The following CIRBP variants were observed in gnomAD, a reference collection of about 807,000 sequenced individuals.
The protein encoded by CIRBP is cold-inducible RNA-binding protein.
CIRBP carries 11 observed loss-of-function variants against 22.3 expected under a neutral mutation model. The ratio of observed to expected loss-of-function variants is 0.49; its 90% confidence interval spans 0.31 to 0.82. The LOEUF (loss-of-function observed/expected upper bound fraction) is 0.82, where lower values mean the gene tolerates loss of function less well. Ranked by LOEUF, CIRBP falls within the 40% of genes least tolerant of loss-of-function variation. CIRBP has a pLI of 0.05. For missense variants in CIRBP, 456 were observed against 402.7 expected (o/e 1.13, Z -1.13); for synonymous variants, 216 against 158.8 (o/e 1.36, Z -2.71).
rs990535383 is a variant in CIRBP, at chr19:1,274,108, C to T, written c.*1665C>T. On this transcript the variant is annotated 3_prime_UTR_variant, in exon 6 of 6. Transcript: ENST00000587896. ...CCCACACTGGCCCACATAGCTCCAT[C>T]CCATACGGGTAGCTGGCTCCAGCTG... is the stretch of plus-strand genomic sequence containing the variant. 3.5e-4 allele frequency: 135 copies of T among 390,076 alleles called. No homozygotes were observed. The highest frequency in any genetic ancestry group is 9.0e-5 in the Non-Finnish European group (20 of 221,224). 24.2% of individuals were successfully genotyped at this position (390,076 alleles called of 1,614,324 possible).
chr19:1,271,331 T>A lies in CIRBP; in HGVS notation c.213T>A (p.Ser71=). Residue 71 remains serine (S), a splice_region_variant and synonymous_variant, in exon 4 of 6, where the codon TCT becomes TCA. Transcript: ENST00000587896. ...KDAMMAMNGK[S]VDGRQIRVDQ... Reference sequence around the variant, plus strand: ...CCCGTCCCGCCCTCTGTCTCCAGTCTGTAGATGGACGGCAGATCCGAGTAG... The same window carrying A: ...CCCGTCCCGCCCTCTGTCTCCAGTCAGTAGATGGACGGCAGATCCGAGTAG... 6.2e-7 allele frequency: 1 copy of A among 1,614,036 alleles called. No homozygotes were observed. Among genetic ancestry groups the A allele is most frequent in the Non-Finnish European group, 8.5e-7 (1 of 1,180,028 alleles).
rs766307406 is a variant in CIRBP at position 1,272,237 on chromosome 19, C to G, written c.688C>G (p.Gln230Glu). ...GACGCAAAAGCCAAATGAGACTGAC[C>G]AAAAAGGCAAGGGAGAGCGAGGGCC... ...RRTQKPNETD[Q>E]KGKGERGPAG... The change falls in exon 6 of 6, where the codon CAA becomes GAA. Residue 230 changes from glutamine (Q) to glutamate (E), a missense_variant. Gln to Glu is a conservative substitution (Grantham distance 29). This residue lies in a region of CIRBP where 426 missense variants were observed against 339.6 expected (regional missense o/e 1.25). Transcript: ENST00000587896. 1.9e-6 allele frequency: 3 copies of G among 1,601,526 alleles called. No individual in the cohort carries two copies. Among genetic ancestry groups the G allele is most frequent in the Admixed American group, 1.7e-5 (1 of 57,502 alleles).
Position 1,270,969 on chromosome 19 carries a change from G to A in CIRBP, c.36G>A (p.Gly12=). Residue 12 remains glycine (G), a synonymous_variant, in exon 2 of 6, where the codon GGG becomes GGA. Coordinates refer to ENST00000587896, the MANE Select transcript of CIRBP (RefSeq NM_001300829.2). ...ASDEGKLFVG[G]LSFDTNEQSL... ...ATGAAGGCAAACTTTTTGTTGGAGGGCTGAGTTTTGACACCAATGAGCAGT... is the reference window on the plus strand; with the variant it reads ...ATGAAGGCAAACTTTTTGTTGGAGGACTGAGTTTTGACACCAATGAGCAGT... 6.2e-7 allele frequency: 1 copy of A among 1,614,088 alleles called. No homozygotes were observed. The highest frequency in any genetic ancestry group is 8.5e-7 in the Non-Finnish European group (1 of 1,180,018).
At chr19:1,270,111 G>T in intron 1 of CIRBP, 1 of 519,256 alleles carries the variant, frequency 1.9e-6, no homozygotes, top group Non-Finnish European at 3.9e-6. Flanking sequence ...CCCCTGCCTG[G>T]AAATCCTGCC....
rs529472825 is a variant in CIRBP, at chr19:1,272,701, C to T, written c.*258C>T. Reference sequence around the variant, plus strand: ...TTTGAAAAGCATTTACTTTTTTGACCACGAGCCATGAGTTTTCAAAAAAAT... The same window carrying T: ...TTTGAAAAGCATTTACTTTTTTGACTACGAGCCATGAGTTTTCAAAAAAAT... On this transcript the variant is annotated 3_prime_UTR_variant, in exon 6 of 6. Coordinates refer to ENST00000587896, the MANE Select transcript of CIRBP (RefSeq NM_001300829.2). The T allele has an allele frequency of 1.4e-5, 5 of 364,026 alleles. No homozygotes were observed. The highest frequency in any genetic ancestry group is 7.2e-4 in the Middle Eastern group (1 of 1,394). The allele number at this position is 364,026 out of a possible 1,614,324, so 22.5% of individuals were successfully genotyped here.
rs1418450508 is a variant in CIRBP, at chr19:1,272,266, T to A, written c.717T>A (p.Ala239=). The change falls in exon 6 of 6, where the codon GCT becomes GCA. Residue 239 remains alanine, a synonymous_variant. Coordinates refer to ENST00000587896, the MANE Select transcript of CIRBP (RefSeq NM_001300829.2). ...DQKGKGERGP[A]GQSARCMCGR... is the part of the protein sequence containing the mutation. Reference sequence around the variant, plus strand: ...AAGGCAAGGGAGAGCGAGGGCCCGCTGGGCAGTCAGCTAGGTGCATGTGTG... The same window carrying A: ...AAGGCAAGGGAGAGCGAGGGCCCGCAGGGCAGTCAGCTAGGTGCATGTGTG... 5.6e-6 allele frequency: 9 copies of A among 1,611,766 alleles called. No individual in the cohort carries two copies. Among genetic ancestry groups the A allele is most frequent in the Non-Finnish European group, 6.8e-6 (8 of 1,179,326 alleles).
At chr19:1,270,762 G>A (rs1307980485) in intron 1 of CIRBP, 166 bp from the exon 2 acceptor site, 9 of 616,828 alleles carry the variant, frequency 1.5e-5, no homozygotes, top group East Asian at 2.8e-5. Context: ...CACTGCCCCC[G>A]ACCCCAAAAA....
At chr19:1,270,864 T>G (rs2081327808) in intron 1 of CIRBP, 64 bp from the exon 2 acceptor site, 1 of 989,102 alleles carries the variant, frequency 1.0e-6, no homozygotes, top group Non-Finnish European at 1.6e-6. Context: ...TTACATAAAA[T>G]AGGAAGCGGG....
At chr19:1,270,018 G>T in intron 1 of CIRBP, 1 of 519,856 alleles carries the variant, frequency 1.9e-6, no homozygotes, top group South Asian at 1.4e-5. Context: ...CCACTGGGTG[G>T]CGGCCATTCC....
At chr19:1,269,828 G>C (rs1305775467) in intron 1 of CIRBP, 7 of 518,602 alleles carry the variant, frequency 1.3e-5, no homozygotes, top group Non-Finnish European at 2.7e-5. Context: ...TGCTTACCGA[G>C]CCTTAGTTTC....
In CIRBP at chr19:1,270,054, C is replaced by T. The variant is rs932622797; in HGVS notation, c.-7+644C>T. 5.8e-6 allele frequency: 3 copies of T among 519,790 alleles called. No homozygotes were observed. The African/African-American group carries it at 5.8e-5, about 10-fold the overall frequency. The allele number at this position is 519,790 out of a possible 1,614,324, so 32.2% of individuals were successfully genotyped here. A position where few individuals can be genotyped will look rare whatever the true frequency, so the allele number is the denominator to read the frequency against. On this transcript the variant is annotated intron_variant, in intron 1 of 5. Coordinates refer to ENST00000587896, the MANE Select transcript of CIRBP (RefSeq NM_001300829.2). ...CAGCCAGTGAATGCTTTGTCTGTGT[C>T]AGCACTGACCGCCCCCTTAAATAGC...
At position 1,271,173 on chromosome 19, in the gene CIRBP, C is replaced by G; in HGVS notation, c.137C>G (p.Ser46Cys). 1 of 1,614,068 alleles carries G rather than the reference C, an allele frequency of 6.2e-7. No individual in the cohort carries two copies. Among genetic ancestry groups the G allele is most frequent in the Non-Finnish European group, 8.5e-7 (1 of 1,180,022 alleles). ...GTGAAAGACAGGGAGACCCAGAGAT[C>G]TCGGGGATTTGGGTTTGTCACCTTT... The part of the protein sequence containing the change: ...VVVKDRETQR[S>C]RGFGFVTFEN... Residue 46 changes from serine to cysteine, a missense_variant, in exon 3 of 6, where the codon TCT (serine) becomes TGT (cysteine). By Grantham distance (112) the Ser-to-Cys change is moderately radical. Coordinates refer to ENST00000587896, the MANE Select transcript of CIRBP (RefSeq NM_001300829.2).
At position 1,273,035 on chromosome 19, in the gene CIRBP, G is replaced by A. The variant is rs1474529929; in HGVS notation, c.*592G>A. On this transcript the variant is annotated 3_prime_UTR_variant, in exon 6 of 6. Transcript: ENST00000587896. Reference sequence around the variant, plus strand: ...CAGACGTCCCTGAGAGGTTCTTGAAGATGTTTATTTATATTGTCCTTTTTT... The same window carrying A: ...CAGACGTCCCTGAGAGGTTCTTGAAAATGTTTATTTATATTGTCCTTTTTT... 2 of 152,346 alleles carry A rather than the reference G, an allele frequency of 1.3e-5. No homozygotes were observed. The highest frequency in any genetic ancestry group is 6.5e-5 in the Admixed American group (1 of 15,290). The allele number at this position is 152,346 out of a possible 1,614,324, so 9.4% of individuals were successfully genotyped here.
chr19:1,271,621 C>G lies in CIRBP; in HGVS notation c.420C>G (p.Asp140Glu), dbSNP rs1448078281. Residue 140 changes from aspartate (D) to glutamate (E), a missense_variant, in exon 5 of 6, where the codon GAC becomes GAG. Asp to Glu is a conservative substitution (Grantham distance 45). Around this residue, in one of 2 missense-constraint regions of CIRBP, gnomAD observed 426 missense variants for 339.6 expected, o/e 1.25. Transcript: ENST00000587896. ...SRSGGYGGSRDYYSSRSQSGG... is the reference protein window; with the variant it reads ...SRSGGYGGSREYYSSRSQSGG... Reference sequence around the variant, plus strand: ...GTGGGGGCTACGGAGGCTCCAGAGACTACTATAGCAGGTGAGGGGGAGGCC... The same window carrying G: ...GTGGGGGCTACGGAGGCTCCAGAGAGTACTATAGCAGGTGAGGGGGAGGCC... 6 of 1,543,076 alleles carry G rather than the reference C, an allele frequency of 3.9e-6. No individual in the cohort carries two copies. In the African/African-American group the frequency reaches 5.6e-5, roughly 14 times the overall value.
chr19:1,274,481 T>G lies in CIRBP; in HGVS notation c.*2038T>G. 1 of 392,634 alleles carries G rather than the reference T, an allele frequency of 2.5e-6. No homozygotes were observed. The highest frequency in any genetic ancestry group is 4.5e-6 in the Non-Finnish European group (1 of 221,510). 24.3% of individuals were successfully genotyped at this position (392,634 alleles called of 1,614,324 possible). ...AAGAGTGGCATGTGGCGCTGAGCCC[T>G]GTCCCGGGCGGCACCTGGGCGTTTC... On this transcript the variant is annotated 3_prime_UTR_variant, in exon 6 of 6. Coordinates refer to ENST00000587896, the MANE Select transcript of CIRBP (RefSeq NM_001300829.2).
At position 1,272,193 on chromosome 19, in the gene CIRBP, A is replaced by T. The variant is rs780078603; in HGVS notation, c.644A>T (p.Gln215Leu). 1 of 1,597,118 alleles carries T rather than the reference A, an allele frequency of 6.3e-7. No individual in the cohort carries two copies. The highest frequency in any genetic ancestry group is 2.2e-5 in the East Asian group (1 of 44,512). ...CCAGAAGAGGCGCATCTGTCCTCTC[A>T]GAGCCATTTCTATCGCAGGACGCAA... ...ACPEEAHLSS[Q>L]SHFYRRTQKP... Residue 215 changes from glutamine to leucine, a missense_variant, in exon 6 of 6, where the codon CAG becomes CTG. By Grantham distance (113) the Gln-to-Leu change is moderately radical. Transcript: ENST00000587896.
rs2081359560 is a variant in CIRBP at position 1,272,468 on chromosome 19, C to T, written c.*25C>T. 3 of 1,497,872 alleles carry T rather than the reference C, an allele frequency of 2.0e-6. No homozygotes were observed. The highest frequency in any genetic ancestry group is 2.7e-6 in the Non-Finnish European group (3 of 1,114,454). The allele number at this position is 1,497,872 out of a possible 1,614,324, so 92.8% of individuals were successfully genotyped here. The stretch of plus-strand genomic sequence containing the variant: ...AAAACCCTTCCTGCTCAAGATCGTC[C>T]TTCCAATGGCTGTGTGTTTAAAGAT... On this transcript the variant is annotated 3_prime_UTR_variant, in exon 6 of 6. Transcript: ENST00000587896.
chr19:1,270,835 C>T, intron 1 of CIRBP, 93 bp from the exon 2 acceptor site: 5 of 834,590 alleles, frequency 6.0e-6, no homozygotes, highest in South Asian at 4.4e-5. Context: ...TAATATTTCC[C>T]CTAAAAAACA....
At position 1,271,170 on chromosome 19, in the gene CIRBP, G is replaced by A. The variant is rs1278661739; in HGVS notation, c.134G>A (p.Arg45Lys). ...GTTGTGAAAGACAGGGAGACCCAGA[G>A]ATCTCGGGGATTTGGGTTTGTCACC... ...VVVVKDRETQ[R>K]SRGFGFVTFE... is the part of the protein sequence containing the mutation. Residue 45 changes from arginine to lysine, a missense_variant, in exon 3 of 6, where the codon AGA (arginine) becomes AAA (lysine). This residue lies in a region of CIRBP where 30 missense variants were observed against 63.1 expected (regional missense o/e 0.48). Coordinates refer to ENST00000587896, the MANE Select transcript of CIRBP (RefSeq NM_001300829.2). 23 of 1,614,086 alleles carry A rather than the reference G, an allele frequency of 1.4e-5. No individual in the cohort carries two copies. Among genetic ancestry groups the A allele is most frequent in the Non-Finnish European group, 1.9e-5 (22 of 1,180,020 alleles).
Sources: allele counts gnomAD v4.1 joint callset, GRCh38; gene constraint gnomAD v4.1.1; regional missense constraint gnomAD v4.1.1; transcripts MANE v1.5; gene names NCBI Gene and HGNC (gene_info 2026-07-23, HGNC 2026-07-21).